The following EPHA6 variants were observed in gnomAD, a reference collection of about 807,000 sequenced individuals.
EPHA6 encodes the protein EPH receptor A6, also known as ephrin type-A receptor 6.
EPHA6 carries 50 observed loss-of-function variants against 112.0 expected under a neutral mutation model. That is an observed-to-expected ratio of 0.45 (90% CI 0.36 to 0.56). EPHA6 has a LOEUF of 0.56. Ranked by LOEUF, EPHA6 falls within the 20% of genes least tolerant of loss-of-function variation. EPHA6 has a pLI of 0.00. For missense variants in EPHA6, 1,280 were observed against 1,417.4 expected (o/e 0.90, Z 1.56); for synonymous variants, 529 against 490.7 (o/e 1.08, Z -1.03).
intron 5 of EPHA6, among the ~76,000 whole-genome samples, chr3:97,288,923 G>GTT (rs1265820869): frequency 4.7e-5 from 3 of 64,156 alleles, no homozygotes; most frequent in African/African-American, 1.0e-4. Flanking sequence ...TTTTAATGGG[G>GTT]ATTTTTTTTT....
At chr3:97,089,922 A>T (rs921964956) in intron 3 of EPHA6, among the ~76,000 whole-genome samples, 3 of 152,104 alleles carry the variant, frequency 2.0e-5, no homozygotes, top group African/African-American at 7.2e-5. Context: ...TATTTTCACC[A>T]CTTCCTGAAT....
intron 13 of EPHA6, among the ~76,000 whole-genome samples, chr3:97,631,718 A>G (rs925110359): frequency 6.6e-6 from 1 of 152,050 alleles, no homozygotes; most frequent in Non-Finnish European, 1.5e-5. Context: ...TGTTTGTAGA[A>G]TCAGTGACAT....
intron 3 of EPHA6, among the ~76,000 whole-genome samples, chr3:97,038,097 T>C (rs2045175481): frequency 6.6e-6 from 1 of 152,048 alleles, no homozygotes; most frequent in Non-Finnish European, 1.5e-5. Flanking sequence ...AATGTACAAA[T>C]ATCAACTCAG....
At chr3:97,586,704 T>TG (rs2093492014) in intron 11 of EPHA6, among the ~76,000 whole-genome samples, 1 of 147,048 alleles carries the variant, frequency 6.8e-6, no homozygotes, top group African/African-American at 2.7e-5. Context: ...GATGGATAGA[T>TG]GATGGATGGA....
intron 5 of EPHA6, among the ~76,000 whole-genome samples, chr3:97,399,380 G>A (rs1341990191): frequency 6.6e-6 from 1 of 151,446 alleles, no homozygotes; most frequent in Admixed American, 6.6e-5. Context: ...TCTTAGCTAT[G>A]GTGAATACTA....
intron 3 of EPHA6, among the ~76,000 whole-genome samples, chr3:97,078,522 T>C (rs1472151796): frequency 6.6e-6 from 1 of 152,136 alleles, no homozygotes; most frequent in African/African-American, 2.4e-5. Context: ...GTTTTTATGG[T>C]TTTAGGTCTA....
chr3:97,058,914 GA>G (rs1464361180), intron 3 of EPHA6, among the ~76,000 whole-genome samples: 1 of 152,124 alleles, frequency 6.6e-6, no homozygotes, highest in Non-Finnish European at 1.5e-5. Flanking sequence ...ATCCTGGAGG[GA>G]AAATGTCTTT....
At chr3:97,561,259 T>G (rs982607201) in intron 11 of EPHA6, among the ~76,000 whole-genome samples, 1 of 151,948 alleles carries the variant, frequency 6.6e-6, no homozygotes, top group Admixed American at 6.6e-5. Context: ...TAAAACTCAG[T>G]GAGGAAAGCG....
At chr3:96,972,864 T>C (rs943853368) in intron 2 of EPHA6, among the ~76,000 whole-genome samples, 1 of 152,238 alleles carries the variant, frequency 6.6e-6, no homozygotes, top group Non-Finnish European at 1.5e-5. Flanking sequence ...AATAAAAGTT[T>C]ATATTTCTTT....
intron 14 of EPHA6, among the ~76,000 whole-genome samples, chr3:97,678,073 C>A (rs1430648492): frequency 6.6e-6 from 1 of 152,062 alleles, no homozygotes; most frequent in African/African-American, 2.4e-5. Flanking sequence ...GGACTGTAGT[C>A]AGAAACAAAG....
intron 4 of EPHA6, among the ~76,000 whole-genome samples, chr3:97,240,222 G>A (rs536528133): frequency 2.6e-5 from 4 of 151,772 alleles, no homozygotes; most frequent in African/African-American, 9.7e-5. Context: ...TCACTGATAC[G>A]TAAAAGCATT....
chr3:97,410,139 A>G (rs1482502024), intron 6 of EPHA6, among the ~76,000 whole-genome samples: 1 of 152,044 alleles, frequency 6.6e-6, no homozygotes, highest in Non-Finnish European at 1.5e-5. Context: ...TGAAAGTCGC[A>G]TACTCCTCAA....
chr3:96,914,248 A>T (rs2039378084), intron 2 of EPHA6, among the ~76,000 whole-genome samples: 1 of 152,174 alleles, frequency 6.6e-6, no homozygotes, highest in Admixed American at 6.6e-5. Context: ...GATGAATTGT[A>T]GATATCTATC....
rs566947275 is a variant in EPHA6, at chr3:97,436,460, T to A, written c.1732-12108T>A. ...CATTTAAATGGGAAAAAGTGAAAAATAAATAATTAGAAATTGTTTTTTCCC... is the reference window on the plus strand; with the variant it reads ...CATTTAAATGGGAAAAAGTGAAAAAAAAATAATTAGAAATTGTTTTTTCCC... On this transcript the variant is annotated intron_variant, in intron 6 of 17. Coordinates refer to ENST00000389672, the MANE Select transcript of EPHA6 (RefSeq NM_001080448.3). Among the ~76,000 whole-genome samples the A allele has an allele frequency of 2.0e-4, 30 of 152,138 alleles. No homozygotes were observed. In the South Asian group the frequency reaches 3.7e-3, roughly 19 times the overall value.
chr3:97,095,819 T>C (rs2047219725), intron 3 of EPHA6, among the ~76,000 whole-genome samples: 1 of 151,084 alleles, frequency 6.6e-6, no homozygotes, highest in African/African-American at 2.4e-5. Context: ...CATCCTGGAG[T>C]TTTAGATCAG....
At position 97,592,540 on chromosome 3, in the gene EPHA6, T is replaced by G. The variant is rs182217099; in HGVS notation, c.2387-72T>G. ...TGATGTCTTTGTTGATTTTAGGTTT[T>G]ATTCCATGTAAATGATCAATGCTTT... On this transcript the variant is annotated intron_variant, in intron 11 of 17. Coordinates refer to ENST00000389672, the MANE Select transcript of EPHA6 (RefSeq NM_001080448.3). The G allele has an allele frequency of 4.5e-6, 7 of 1,568,746 alleles. No individual in the cohort carries two copies. The African/African-American group carries it at 8.2e-5, about 18-fold the overall frequency.
chr3:97,405,370 C>A (rs1021801633), intron 6 of EPHA6, 96 bp downstream of exon 6: 4 of 1,127,914 alleles, frequency 3.5e-6, no homozygotes, highest in Admixed American at 2.9e-5. Context: ...TTATTTTAAA[C>A]CCTGTTCTTC....
At chr3:97,550,525 A>G (rs966555746) in intron 11 of EPHA6, among the ~76,000 whole-genome samples, 131 of 152,224 alleles carry the variant, frequency 8.6e-4, no homozygotes, top group African/African-American at 3.1e-3. Flanking sequence ...TTTAAGGCCT[A>G]TGACCTGAGA....
At chr3:97,536,008 A>G (rs1272684581) in intron 11 of EPHA6, among the ~76,000 whole-genome samples, 1 of 152,138 alleles carries the variant, frequency 6.6e-6, no homozygotes, top group Non-Finnish European at 1.5e-5. Flanking sequence ...AGTTGAACCT[A>G]TTTGTTTGAT....
Sources: gnomAD v4.1 joint callset for allele counts (sites outside exome capture counted in the v4.1 genomes callset) on GRCh38, gnomAD v4.1.1 for gene constraint, MANE v1.5 for transcripts, NCBI Gene and HGNC (gene_info 2026-07-23, HGNC 2026-07-21) for gene names.